PRKDC: variants seen among roughly 807,000 people sequenced by gnomAD.
PRKDC encodes the protein protein kinase, DNA-activated, catalytic subunit, also known as DNA-dependent protein kinase catalytic subunit.
Under a neutral mutation model 486.9 loss-of-function variants are expected in PRKDC, and 82 were observed. That is an observed-to-expected ratio of 0.17 (90% CI 0.14 to 0.20). The LOEUF (loss-of-function observed/expected upper bound fraction) is 0.20. Among genes scored for constraint, PRKDC ranks in the 10% least tolerant of loss-of-function variants. The probability of loss-of-function intolerance (pLI) is 1.00; values close to 1 mark genes in which losing one functional copy is unlikely to be tolerated. For synonymous variants in PRKDC, 1,895 were observed against 1,837.0 expected, an observed-to-expected ratio of 1.03 and a Z score of -0.81; for missense variants, 4,504 against 5,038.2, an observed-to-expected ratio of 0.89 and a Z score of 3.21.
In PRKDC at chr8:47,960,122, G is replaced by C; in HGVS notation, c.5C>G (p.Ala2Gly). 6.7e-7 allele frequency: 1 copy of C among 1,498,136 alleles called. No homozygotes were observed. The highest frequency in any genetic ancestry group is 1.2e-5 in the South Asian group (1 of 81,016). The allele number at this position is 1,498,136 out of a possible 1,614,324, so 92.8% of individuals were successfully genotyped here. The change falls in exon 1 of 86, where the codon GCG becomes GGG. Residue 2 changes from alanine (A) to glycine (G), a missense_variant. This residue lies in a region of PRKDC where 145 missense variants were observed against 136.3 expected (regional missense o/e 1.06). Coordinates refer to ENST00000314191, the MANE Select transcript of PRKDC (RefSeq NM_006904.7). M[A>G]GSGAGVRCSL... ...GCAACGCACACCGGCTCCGGAGCCC[G>C]CCATGCCGCCGAGTCCCGCTCCCGC...
intron 68 of PRKDC, among the ~76,000 whole-genome samples, chr8:47,813,128 T>C (rs2087370691): frequency 6.7e-6 from 1 of 150,260 alleles, no homozygotes; most frequent in African/African-American, 2.5e-5. Context: ...TATTTATTTA[T>C]TTATTTTGAG....
chr8:47,903,909 G>C (rs1315923845), intron 26 of PRKDC, among the ~76,000 whole-genome samples: 1 of 152,150 alleles, frequency 6.6e-6, no homozygotes, highest in African/African-American at 2.4e-5. Flanking sequence ...TTAAACTACA[G>C]GTTTAATTAT....
At chr8:47,927,054 A>G in intron 21 of PRKDC, 140 bp downstream of exon 21, 1 of 841,512 alleles carries the variant, frequency 1.2e-6, no homozygotes, top group Non-Finnish European at 1.8e-6. Context: ...AAATTAGGGA[A>G]ATTACAAAAA....
chr8:47,948,351 G>C (rs2090571556), intron 7 of PRKDC, among the ~76,000 whole-genome samples: 1 of 151,486 alleles, frequency 6.6e-6, no homozygotes, highest in Non-Finnish European at 1.5e-5. Context: ...CTTGTGATCT[G>C]CCCACCTCAG....
At position 47,954,436 on chromosome 8, in the gene PRKDC, G is replaced by A. The variant is rs543294454; in HGVS notation, c.410C>T (p.Thr137Ile). ...ALDLLIKLLQTFRSSRLMDEF... is the reference protein window; with the variant it reads ...ALDLLIKLLQIFRSSRLMDEF... ...ATCCATGAGTCTAGAACTTCTAAAA[G>A]TCTGAAGTAACTAAAAGAATACAAA... Residue 137 changes from threonine to isoleucine, a missense_variant, in exon 5 of 86, where the codon ACT becomes ATT. Thr to Ile is a moderately conservative substitution (Grantham distance 89). Coordinates refer to ENST00000314191, the MANE Select transcript of PRKDC (RefSeq NM_006904.7). The A allele has an allele frequency of 1.5e-6, 2 of 1,291,522 alleles. No individual in the cohort carries two copies. Among genetic ancestry groups the A allele is most frequent in the South Asian group, 3.3e-5 (2 of 59,802 alleles). 80.0% of individuals were successfully genotyped at this position (1,291,522 alleles called of 1,614,324 possible).
chr8:47,798,438 C>A (rs1175734650), intron 72 of PRKDC, 41 bp from the exon 73 acceptor site: 3 of 1,514,502 alleles, frequency 2.0e-6, no homozygotes, highest in Non-Finnish European at 2.6e-6. Context: ...GTCAATGTAT[C>A]CCAATATCCA....
intron 22 of PRKDC, among the ~76,000 whole-genome samples, chr8:47,916,779 C>T (rs771643226): frequency 5.9e-5 from 9 of 152,188 alleles, no homozygotes; most frequent in Non-Finnish European, 4.4e-5. Context: ...CACCTCCTGC[C>T]TCACACACGG....
chr8:47,883,728 A>T lies in PRKDC; in HGVS notation c.4777-1631T>A, dbSNP rs1019238662. On this transcript the variant is annotated intron_variant, in intron 36 of 85. Transcript: ENST00000314191. ...TTCTCTGATGTTCATTCTCCATAGC[A>T]ATTCTTATTTCACAGTTTTGTCTCT... is the stretch of plus-strand genomic sequence containing the variant. 8.5e-5 allele frequency among the ~76,000 whole-genome samples: 13 copies of T among 152,308 alleles called. No individual in the cohort carries two copies. In the East Asian group the frequency reaches 2.3e-3, roughly 27 times the overall value.
At chr8:47,815,904 A>G (rs961574481) in intron 68 of PRKDC, among the ~76,000 whole-genome samples, 1 of 152,236 alleles carries the variant, frequency 6.6e-6, no homozygotes, top group African/African-American at 2.4e-5. Flanking sequence ...TGGAGAGACC[A>G]AACAATCAAA....
chr8:47,836,126 C>T (rs750846140), intron 58 of PRKDC, among the ~76,000 whole-genome samples: 1 of 152,174 alleles, frequency 6.6e-6, no homozygotes, highest in Non-Finnish European at 1.5e-5. Context: ...ATTCCTCCTC[C>T]CCAGACCCTG....
At chr8:47,798,910 G>A (rs756776528) in intron 72 of PRKDC, among the ~76,000 whole-genome samples, 1 of 151,896 alleles carries the variant, frequency 6.6e-6, no homozygotes, top group African/African-American at 2.4e-5. Flanking sequence ...CTGGGTTCAA[G>A]CAATTCTCCT....
At chr8:47,819,539 ATTTAC>A in intron 66 of PRKDC, 29 bp from the exon 67 acceptor site, 1 of 1,145,324 alleles carries the variant, frequency 8.7e-7, no homozygotes, top group Non-Finnish European at 1.2e-6. Flanking sequence ...AAAAAAGGGC[ATTTAC>A]AAATGCCATG....
At chr8:47,949,949 C>T (rs542797373) in intron 7 of PRKDC, among the ~76,000 whole-genome samples, 2 of 152,218 alleles carry the variant, frequency 1.3e-5, no homozygotes, top group South Asian at 4.1e-4. Flanking sequence ...CAAAGTAGGT[C>T]CAAACATTTG....
intron 70 of PRKDC, among the ~76,000 whole-genome samples, 176 bp downstream of exon 70, chr8:47,803,130 A>T (rs892663746): frequency 1.3e-5 from 2 of 152,230 alleles, no homozygotes; most frequent in African/African-American, 2.4e-5. Context: ...ATGCAAACAC[A>T]AAGTTTTCAA....
At chr8:47,850,538 T>A (rs2088379597) in intron 52 of PRKDC, among the ~76,000 whole-genome samples, 1 of 152,248 alleles carries the variant, frequency 6.6e-6, no homozygotes, top group Non-Finnish European at 1.5e-5. Context: ...AGGCTATTTT[T>A]AAATTATCTT....
intron 11 of PRKDC, among the ~76,000 whole-genome samples, chr8:47,939,015 A>G (rs771442200): frequency 9.9e-5 from 15 of 152,104 alleles, no homozygotes; most frequent in Non-Finnish European, 2.2e-4. Flanking sequence ...TATTCTTCAC[A>G]CTTGGACTTA....
chr8:47,800,703 A>C, intron 71 of PRKDC, 90 bp downstream of exon 71: 1 of 1,198,966 alleles, frequency 8.3e-7, no homozygotes, highest in Non-Finnish European at 1.1e-6. Flanking sequence ...AACACAAAGC[A>C]ACATCCTTAT....
At chr8:47,854,004 A>G in intron 51 of PRKDC, 79 bp downstream of exon 51, 1 of 1,543,110 alleles carries the variant, frequency 6.5e-7, no homozygotes, top group Non-Finnish European at 8.8e-7. Context: ...CCTTAAAATT[A>G]TCAAAACTGC....
Position 47,863,586 on chromosome 8 carries a change from A to G in PRKDC, c.5572-9T>C, listed in dbSNP as rs2088728289. 1.3e-6 allele frequency: 2 copies of G among 1,595,098 alleles called. No homozygotes were observed. Reference sequence around the variant, plus strand: ...AAGGTAGATTCATTTAGCTTCAAAAAGGTAAAAAATAATTATCTTTGGTCT... The same window carrying G: ...AAGGTAGATTCATTTAGCTTCAAAAGGGTAAAAAATAATTATCTTTGGTCT... On this transcript the variant is annotated splice_polypyrimidine_tract_variant and intron_variant, in intron 41 of 85. Transcript: ENST00000314191.
Sources: allele counts gnomAD v4.1 joint callset (sites outside exome capture counted in the v4.1 genomes callset), GRCh38; gene constraint gnomAD v4.1.1; regional missense constraint gnomAD v4.1.1; transcripts MANE v1.5; gene names NCBI Gene and HGNC (gene_info 2026-07-23, HGNC 2026-07-21).